The following PTPRO variants were observed in gnomAD, a reference collection of about 807,000 sequenced individuals.
PTPRO encodes protein tyrosine phosphatase receptor type O, also known as receptor-type tyrosine-protein phosphatase O.
Under a neutral mutation model 145.2 loss-of-function variants are expected in PTPRO, and 62 were observed. The ratio of observed to expected loss-of-function variants is 0.43; its 90% confidence interval spans 0.35 to 0.53. PTPRO has a LOEUF of 0.53. Ranked by LOEUF, PTPRO falls within the 20% of genes least tolerant of loss-of-function variation. PTPRO has a pLI of 0.01. For missense variants in PTPRO, 1,345 were observed against 1,482.7 expected (o/e 0.91, Z 1.53); for synonymous variants, 565 against 514.7 (o/e 1.10, Z -1.32).
In PTPRO at chr12:15,548,494, T is replaced by C. The variant is rs541175043; in HGVS notation, c.2305-600T>C. On this transcript the variant is annotated intron_variant, in intron 13 of 26. Transcript: ENST00000281171. ...CGTTCACACATATATACATATTACATGCATATATTGTGTGTATATATGTGT... is the reference window on the plus strand; with the variant it reads ...CGTTCACACATATATACATATTACACGCATATATTGTGTGTATATATGTGT... 5.6e-4 allele frequency among the ~76,000 whole-genome samples: 85 copies of C among 152,068 alleles called. 1 individual carries two copies. The highest frequency in any genetic ancestry group is 2.0e-3 in the African/African-American group (82 of 41,488).
chr12:15,424,916 G>A (rs374255440), intron 1 of PTPRO, among the ~76,000 whole-genome samples: 92 of 152,210 alleles, frequency 6.0e-4, no homozygotes, highest in African/African-American at 2.2e-3. Context: ...TCTCATCTGG[G>A]AGAAAGAGAT....
intron 19 of PTPRO, among the ~76,000 whole-genome samples, chr12:15,578,465 A>G (rs976523265): frequency 2.0e-5 from 3 of 152,188 alleles, no homozygotes; most frequent in Non-Finnish European, 2.9e-5. Flanking sequence ...AATCTCTACA[A>G]TAACATTTAC....
intron 19 of PTPRO, among the ~76,000 whole-genome samples, chr12:15,570,028 G>T (rs374603767): frequency 6.6e-6 from 1 of 152,164 alleles, no homozygotes; most frequent in Non-Finnish European, 1.5e-5. Flanking sequence ...AAATTGGGGA[G>T]ATAAAGTTAC....
Position 15,333,616 on chromosome 12 carries a change from C to G in PTPRO, c.75+10815C>G, listed in dbSNP as rs115848327. Among the ~76,000 whole-genome samples the G allele has an allele frequency of 8.5e-3, 1,298 of 152,262 alleles. 17 individuals carry two copies. The highest frequency in any genetic ancestry group is 0.03 in the African/African-American group (1,240 of 41,560). On this transcript the variant is annotated intron_variant, in intron 1 of 26. Transcript: ENST00000281171. ...AAGCACAGGGAGTAGAGAAGCTGCA[C>G]AGTGAGATGAGCTAGGAGGGAGGGT...
intron 1 of PTPRO, among the ~76,000 whole-genome samples, chr12:15,466,567 C>A (rs971874626): frequency 6.6e-6 from 1 of 152,092 alleles, no homozygotes; most frequent in Non-Finnish European, 1.5e-5. Context: ...TAATTTCCAC[C>A]TTTTTAGACC....
At chr12:15,473,472 C>T (rs548293449) in intron 1 of PTPRO, among the ~76,000 whole-genome samples, 26 of 152,154 alleles carry the variant, frequency 1.7e-4, no homozygotes, top group African/African-American at 6.0e-4. Context: ...TTTATAAAAC[C>T]GCTATAATTT....
At chr12:15,363,547 A>G (rs2136246891) in intron 1 of PTPRO, among the ~76,000 whole-genome samples, 1 of 152,266 alleles carries the variant, frequency 6.6e-6, no homozygotes, top group South Asian at 2.1e-4. Flanking sequence ...CCAAGTGAGT[A>G]AATACAGGGT....
intron 17 of PTPRO, among the ~76,000 whole-genome samples, chr12:15,562,138 C>T (rs1034565508): frequency 2.0e-5 from 3 of 152,084 alleles, no homozygotes; most frequent in African/African-American, 7.2e-5. Context: ...TCACACATAT[C>T]AACTAGTAAA....
chr12:15,423,120 G>T (rs757216860), intron 1 of PTPRO, among the ~76,000 whole-genome samples: 1 of 152,162 alleles, frequency 6.6e-6, no homozygotes, highest in Non-Finnish European at 1.5e-5. Context: ...GAAGAAGTCA[G>T]GGCCAACTGG....
intron 1 of PTPRO, among the ~76,000 whole-genome samples, chr12:15,449,399 T>G (rs1459549790): frequency 1.3e-5 from 2 of 152,178 alleles, no homozygotes; most frequent in African/African-American, 4.8e-5. Flanking sequence ...TCAGACCATA[T>G]TTAGTTTGCT....
chr12:15,568,022 T>C (rs1039363440), intron 18 of PTPRO, among the ~76,000 whole-genome samples: 4 of 152,220 alleles, frequency 2.6e-5, no homozygotes, highest in Non-Finnish European at 5.9e-5. Flanking sequence ...CTCTGGAAGA[T>C]ATAACGCCCT....
intron 1 of PTPRO, among the ~76,000 whole-genome samples, chr12:15,387,614 G>A (rs927056274): frequency 2.0e-5 from 3 of 151,890 alleles, no homozygotes; most frequent in Admixed American, 6.6e-5. Context: ...ATCTCTACTT[G>A]TCTCTCCCAC....
chr12:15,510,721 G>C (rs1942420143), intron 7 of PTPRO, among the ~76,000 whole-genome samples: 1 of 152,084 alleles, frequency 6.6e-6, no homozygotes, highest in Non-Finnish European at 1.5e-5. Context: ...ACCTTTTTGA[G>C]ATTTGTATAA....
intron 23 of PTPRO, among the ~76,000 whole-genome samples, chr12:15,584,594 G>T (rs1319556757): frequency 6.6e-6 from 1 of 152,184 alleles, no homozygotes; most frequent in Non-Finnish European, 1.5e-5. Context: ...GTGTTTGTTT[G>T]TAAGGAATTT....
Position 15,549,153 on chromosome 12 carries a change from C to A in PTPRO, c.2364C>A (p.Ala788=). The A allele has an allele frequency of 6.2e-7, 1 of 1,613,526 alleles. No homozygotes were observed. Among genetic ancestry groups the A allele is most frequent in the Non-Finnish European group, 8.5e-7 (1 of 1,179,636 alleles). The change falls in exon 14 of 27, where the codon GCC becomes GCA. Residue 788 remains alanine (A), a synonymous_variant. Transcript: ENST00000281171. ...TCTCCAGCCTTCTTCCTGCCACTGC[C>A]TACAATTGTAGTGTCACCAGCTTTA... ...VTISSLLPAT[A]YNCSVTSFSH... is the part of the protein sequence containing the mutation.
chr12:15,382,159 A>AGTAT (rs1555152555), intron 1 of PTPRO, among the ~76,000 whole-genome samples: 1 of 145,724 alleles, frequency 6.9e-6, no homozygotes, highest in East Asian at 2.0e-4. Flanking sequence ...AAAAGTGAGA[A>AGTAT]ATATATATAT....
Position 15,578,923 on chromosome 12 carries a change from G to A in PTPRO, c.2900G>A (p.Arg967His), listed in dbSNP as rs1345369342. 1.3e-5 allele frequency: 21 copies of A among 1,599,194 alleles called. No homozygotes were observed. The highest frequency in any genetic ancestry group is 1.7e-5 in the Admixed American group (1 of 59,980). Residue 967 changes from arginine to histidine, a missense_variant, in exon 20 of 27, where the codon CGT (arginine) becomes CAT (histidine). Around this residue, in one of 3 missense-constraint regions of PTPRO, gnomAD observed 1,130 missense variants for 1,214.7 expected, o/e 0.93. Coordinates refer to ENST00000281171, the MANE Select transcript of PTPRO (RefSeq NM_030667.3). ...CTTCCACTGAATCGATGTAAAAACC[G>A]TTACACAAACATCCTACCATGTAAG... ...ADLPLNRCKN[R>H]YTNILPYDFS...
intron 12 of PTPRO, among the ~76,000 whole-genome samples, chr12:15,544,589 A>G (rs1022056527): frequency 1.3e-5 from 2 of 151,966 alleles, no homozygotes; most frequent in Admixed American, 1.3e-4. Flanking sequence ...GAAATAAGGG[A>G]AGAGCCTCAG....
intron 4 of PTPRO, among the ~76,000 whole-genome samples, 198 bp from the exon 5 acceptor site, chr12:15,501,422 T>C (rs1420532725): frequency 6.6e-6 from 1 of 152,188 alleles, no homozygotes; most frequent in Non-Finnish European, 1.5e-5. Flanking sequence ...TTGATAGGTA[T>C]ACATCATCCA....
Sources: gnomAD v4.1 joint callset for allele counts (sites outside exome capture counted in the v4.1 genomes callset) on GRCh38, gnomAD v4.1.1 for gene constraint, gnomAD v4.1.1 regional missense constraint, MANE v1.5 for transcripts, NCBI Gene and HGNC (gene_info 2026-07-23, HGNC 2026-07-21) for gene names.